KSR2: variants seen among roughly 807,000 people sequenced by gnomAD.
KSR2 encodes the protein kinase suppressor of ras 2.
Under a neutral mutation model 107.8 loss-of-function variants are expected in KSR2, and 25 were observed. The ratio of observed to expected loss-of-function variants is 0.23; its 90% CI spans 0.17 to 0.32. The LOEUF is 0.32. Among genes scored for constraint, KSR2 ranks in the 10% least tolerant of loss-of-function variants. The probability of loss-of-function intolerance (pLI) is 1.00; values close to 1 mark genes in which losing one functional copy is unlikely to be tolerated. For missense variants in KSR2, 887 were observed against 1,268.9 expected (o/e 0.70, Z 4.57); for synonymous variants, 480 against 507.0 (o/e 0.95, Z 0.71).
At chr12:117,803,596 G>T (rs577966260) in intron 3 of KSR2, among the ~76,000 whole-genome samples, 3 of 152,186 alleles carry the variant, frequency 2.0e-5, no homozygotes, top group South Asian at 2.1e-4. Context: ...CCAGCTACTC[G>T]GTAGGCTGAG....
chr12:117,538,754 A>G (rs914666569), intron 10 of KSR2, among the ~76,000 whole-genome samples: 10 of 152,250 alleles, frequency 6.6e-5, no homozygotes, highest in African/African-American at 2.4e-4. Context: ...TAATTTATTT[A>G]AATGTAAATA....
At chr12:117,529,893 C>G (rs1306838117) in intron 12 of KSR2, among the ~76,000 whole-genome samples, 1 of 151,860 alleles carries the variant, frequency 6.6e-6, no homozygotes, top group Non-Finnish European at 1.5e-5. Flanking sequence ...TGGTGGCACA[C>G]ACCTGTAATC....
intron 1 of KSR2, among the ~76,000 whole-genome samples, chr12:117,935,755 G>A (rs967360224): frequency 2.0e-5 from 3 of 152,128 alleles, no homozygotes; most frequent in African/African-American, 7.2e-5. Flanking sequence ...GTGAGACTCA[G>A]TCTCAAATAA....
At chr12:117,512,462 G>A (rs1438975889) in intron 14 of KSR2, among the ~76,000 whole-genome samples, 1 of 152,176 alleles carries the variant, frequency 6.6e-6, no homozygotes, top group South Asian at 2.1e-4. Flanking sequence ...CACCTGGGAT[G>A]ACTGTTAAAC....
At chr12:117,648,890 C>G (rs1374372423) in intron 5 of KSR2, among the ~76,000 whole-genome samples, 1 of 152,218 alleles carries the variant, frequency 6.6e-6, no homozygotes, top group Non-Finnish European at 1.5e-5. Flanking sequence ...CTCAACCAAT[C>G]AGAACACACA....
At chr12:117,509,808 G>A (rs772670673) in intron 14 of KSR2, among the ~76,000 whole-genome samples, 2 of 152,130 alleles carry the variant, frequency 1.3e-5, no homozygotes, top group African/African-American at 2.4e-5. Flanking sequence ...TTCCCTTCTC[G>A]AGGTTCCTCT....
At chr12:117,950,749 A>AAAAAAAAATAAT (rs1555260902) in intron 1 of KSR2, among the ~76,000 whole-genome samples, 14 of 132,166 alleles carry the variant, frequency 1.1e-4, no homozygotes, top group Admixed American at 5.5e-4. Flanking sequence ...AAAAAAAAAA[A>AAAAAAAAATAAT]AATAATAATA....
At chr12:117,757,252 A>G (rs1888830600) in intron 4 of KSR2, among the ~76,000 whole-genome samples, 1 of 152,212 alleles carries the variant, frequency 6.6e-6, no homozygotes, top group African/African-American at 2.4e-5. Context: ...GGAAACAGCA[A>G]GAGAACTAGA....
chr12:117,476,830 AC>A (rs993545553), intron 16 of KSR2, among the ~76,000 whole-genome samples: 1 of 151,972 alleles, frequency 6.6e-6, no homozygotes, highest in African/African-American at 2.4e-5. Flanking sequence ...TGAGGCACCC[AC>A]CTTCTTGCCC....
chr12:117,552,957 C>T (rs1877405508), intron 9 of KSR2, among the ~76,000 whole-genome samples: 1 of 152,202 alleles, frequency 6.6e-6, no homozygotes, highest in Non-Finnish European at 1.5e-5. Flanking sequence ...TCCCTCTGCT[C>T]TCTGTCCTAA....
intron 4 of KSR2, among the ~76,000 whole-genome samples, chr12:117,705,178 T>C (rs921874174): frequency 6.6e-6 from 1 of 152,130 alleles, no homozygotes; most frequent in Non-Finnish European, 1.5e-5. Context: ...CTCTGAGAGC[T>C]GATAAGATGC....
At chr12:117,595,755 G>A (rs1167145854) in intron 5 of KSR2, among the ~76,000 whole-genome samples, 1 of 152,152 alleles carries the variant, frequency 6.6e-6, no homozygotes, top group East Asian at 1.9e-4. Flanking sequence ...ATACTTTGAA[G>A]GCCACCTCAT....
intron 12 of KSR2, 58 bp downstream of exon 12, chr12:117,530,883 T>G: frequency 2.8e-6 from 4 of 1,445,886 alleles, no homozygotes; most frequent in Non-Finnish European, 3.9e-6. Flanking sequence ...CCTGAGTGGA[T>G]TGTAGGGCCA....
chr12:117,516,504 G>A (rs953107205), intron 14 of KSR2, among the ~76,000 whole-genome samples: 2 of 152,124 alleles, frequency 1.3e-5, no homozygotes, highest in Non-Finnish European at 2.9e-5. Flanking sequence ...TCTACCATTT[G>A]CTGCTACCAT....
chr12:117,570,446 T>G (rs1298386015), intron 7 of KSR2, among the ~76,000 whole-genome samples: 31 of 152,036 alleles, frequency 2.0e-4, no homozygotes, highest in Non-Finnish European at 1.0e-4. Context: ...AGTGCCAAGG[T>G]TGAGAAAAAC....
At chr12:117,470,043 C>G (rs138233705) in intron 18 of KSR2, among the ~76,000 whole-genome samples, 16 of 152,120 alleles carry the variant, frequency 1.1e-4, no homozygotes, top group African/African-American at 7.2e-5. Flanking sequence ...ACACATCTAC[C>G]CATCCAGTCA....
chr12:117,864,190 A>G (rs1893400516), intron 1 of KSR2, among the ~76,000 whole-genome samples: 1 of 152,152 alleles, frequency 6.6e-6, no homozygotes, highest in South Asian at 2.1e-4. Context: ...TGAGACAACC[A>G]TCCAAGAAGA....
chr12:117,802,228 G>A lies in KSR2; in HGVS notation c.473-40704C>T, dbSNP rs577713020. Among the ~76,000 whole-genome samples, 320 of 152,048 alleles carry A rather than the reference G, an allele frequency of 2.1e-3. 2 individuals are homozygous for A. Among genetic ancestry groups the A allele is most frequent in the Middle Eastern group, 0.01 (3 of 294 alleles). On this transcript the variant is annotated intron_variant, in intron 3 of 19. Transcript: ENST00000339824. ...CCTGGCCCCTTCCTCCCTCTCCCAA[G>A]CCGTTGGTGTAGCATCTTCAGACCT...
chr12:117,891,979 A>AAGAGAGTGAG (rs1894358597), intron 1 of KSR2, among the ~76,000 whole-genome samples: 1 of 152,022 alleles, frequency 6.6e-6, no homozygotes, highest in Non-Finnish European at 1.5e-5. Context: ...CAGCCTGGGT[A>AAGAGAGTGAG]ACAGAGTGAG....
Sources: allele counts gnomAD v4.1 joint callset (sites outside exome capture counted in the v4.1 genomes callset), GRCh38; gene constraint gnomAD v4.1.1; transcripts MANE v1.5; gene names NCBI Gene and HGNC (gene_info 2026-07-23, HGNC 2026-07-21).